Variants in PCDHGA1 observed in about 807,000 individuals in gnomAD.
The protein encoded by PCDHGA1 is protocadherin gamma-A1.
PCDHGA1 carries 32 observed loss-of-function variants against 58.0 expected under a neutral mutation model. The ratio of observed to expected loss-of-function variants is 0.55; its 90% confidence interval spans 0.42 to 0.74. The LOEUF is 0.74. PCDHGA1 is among the 30% of genes least tolerant of loss of function. The pLI is 0.00. For synonymous variants in PCDHGA1, 498 were observed against 501.1 expected (o/e 0.99, Z 0.08); for missense variants, 1,205 against 1,182.3 (o/e 1.02, Z -0.28).
At chr5:141,495,164 C>T (rs1326419591) in intron 2 of PCDHGA1, among the ~76,000 whole-genome samples, 4 of 152,198 alleles carry the variant, frequency 2.6e-5, no homozygotes, top group Admixed American at 1.3e-4. Context: ...AAGCTGGTCT[C>T]TGGGTGAAAG....
intron 1 of PCDHGA1, chr5:141,394,001 G>T: frequency 6.2e-7 from 1 of 1,613,458 alleles, no homozygotes; most frequent in Non-Finnish European, 8.5e-7. Flanking sequence ...AATTAGAAAA[G>T]TCAATAGGTA....
chr5:141,404,862 C>A, intron 1 of PCDHGA1: 1 of 1,613,848 alleles, frequency 6.2e-7, no homozygotes, highest in Non-Finnish European at 8.5e-7. Context: ...GATAGAGATG[C>A]GCTCAAACAG....
chr5:141,489,594 T>A lies in PCDHGA1; in HGVS notation c.2422-5213T>A. The A allele has an allele frequency of 2.5e-6, 4 of 1,614,076 alleles. No homozygotes were observed. Among genetic ancestry groups the A allele is most frequent in the Non-Finnish European group, 3.4e-6 (4 of 1,179,982 alleles). ...CTGAACACCCCCTGGAGCTAATCCG[T>A]GTAGAGGTAGAGATCCTGGATCTCA... On this transcript the variant is annotated intron_variant, in intron 1 of 3. Coordinates refer to ENST00000517417, the MANE Select transcript of PCDHGA1 (RefSeq NM_018912.3). This position sits in a 1 kb window ranked among gnomAD's most constrained non-coding sequence, Gnocchi z 4.5.
At chr5:141,500,500 C>T (rs6872480) in intron 2 of PCDHGA1, among the ~76,000 whole-genome samples, 1,599 of 152,210 alleles carry the variant, frequency 0.011, 36 homozygotes, top group African/African-American at 0.036. Context: ...TGAGCCACCG[C>T]GCCTGGCCGA....
chr5:141,393,264 C>T, intron 1 of PCDHGA1: 1 of 1,613,916 alleles, frequency 6.2e-7, no homozygotes, highest in Non-Finnish European at 8.5e-7. Flanking sequence ...TCCTGGAGCA[C>T]GTTATCCACT....
At chr5:141,362,492 C>G (rs369530205) in intron 1 of PCDHGA1, 1 of 1,613,902 alleles carries the variant, frequency 6.2e-7, no homozygotes, top group African/African-American at 1.3e-5. Flanking sequence ...GACAATGCCT[C>G]TTGGGAACAA....
chr5:141,501,475 G>A (rs1305778190), intron 2 of PCDHGA1, among the ~76,000 whole-genome samples: 5 of 152,014 alleles, frequency 3.3e-5, no homozygotes, highest in Admixed American at 3.3e-4. Flanking sequence ...AATCCTGGAA[G>A]AGTCCCTCAT....
chr5:141,499,996 C>A (rs1246090346), intron 2 of PCDHGA1, among the ~76,000 whole-genome samples: 2 of 151,572 alleles, frequency 1.3e-5, no homozygotes, highest in Non-Finnish European at 2.9e-5. Flanking sequence ...CCAGATGATT[C>A]TTTCATAAGG....
Position 141,491,013 on chromosome 5 carries a change from G to C in PCDHGA1, c.2422-3794G>C. ...CTCCTCCTGGCTCCTTGGTCACCAA[G>C]GTGACAGCCGTGGATGCTGATGCAG... On this transcript the variant is annotated intron_variant, in intron 1 of 3. Transcript: ENST00000517417. The surrounding 1 kb of genome is among the most constrained non-coding windows in gnomAD (Gnocchi z 6.9). 6.2e-7 allele frequency: 1 copy of C among 1,614,144 alleles called. No homozygotes were observed. Among genetic ancestry groups the C allele is most frequent in the Non-Finnish European group, 8.5e-7 (1 of 1,180,040 alleles).
At chr5:141,362,281 C>A in intron 1 of PCDHGA1, 4 of 1,614,016 alleles carry the variant, frequency 2.5e-6, no homozygotes, top group Non-Finnish European at 3.4e-6. Flanking sequence ...CCTGCGCCTG[C>A]GACTCTCTTC....
At chr5:141,424,682 C>A (rs1421088073) in intron 1 of PCDHGA1, 1 of 152,062 alleles carries the variant, frequency 6.6e-6, no homozygotes, top group Non-Finnish European at 1.5e-5. Flanking sequence ...AGCTAGTATC[C>A]TTCTGGCTAT....
chr5:141,414,741 A>C, intron 1 of PCDHGA1: 1 of 1,614,158 alleles, frequency 6.2e-7, no homozygotes. Flanking sequence ...ATGCACTCAG[A>C]TCCTTCGACT....
chr5:141,351,338 A>G, intron 1 of PCDHGA1: 1 of 1,613,576 alleles, frequency 6.2e-7, no homozygotes, highest in South Asian at 1.1e-5. Context: ...AGACCTTGGA[A>G]CTGTAATAGC....
At position 141,487,791 on chromosome 5, in the gene PCDHGA1, C is replaced by T; in HGVS notation, c.2422-7016C>T. ...CTTTGTAACTGTTTCGTGAATTAAC[C>T]AGAGTTGTCACAGTTTAGCATTGGG... On this transcript the variant is annotated intron_variant, in intron 1 of 3. Coordinates refer to ENST00000517417, the MANE Select transcript of PCDHGA1 (RefSeq NM_018912.3). This position sits in a 1 kb window ranked among gnomAD's most constrained non-coding sequence, Gnocchi z 5.0. 6.6e-7 allele frequency: 1 copy of T among 1,510,152 alleles called. No individual in the cohort carries two copies. The highest frequency in any genetic ancestry group is 1.4e-5 in the African/African-American group (1 of 72,206). The allele number at this position is 1,510,152 out of a possible 1,614,324, so 93.5% of individuals were successfully genotyped here. A position where few individuals can be genotyped will look rare whatever the true frequency, so the allele number is the denominator to read the frequency against.
intron 1 of PCDHGA1, chr5:141,367,677 A>G (rs1045568085): frequency 2.0e-5 from 3 of 152,168 alleles, no homozygotes; most frequent in Non-Finnish European, 4.4e-5. Context: ...GGGCTTGTTG[A>G]GAGAAGAAAT....
intron 1 of PCDHGA1, among the ~76,000 whole-genome samples, chr5:141,479,837 G>A (rs563513895): frequency 3.9e-5 from 6 of 152,338 alleles, no homozygotes; most frequent in Non-Finnish European, 8.8e-5. Flanking sequence ...TGGTATCCAT[G>A]CAAGGTGACT....
chr5:141,422,222 C>A (rs1453283842), intron 1 of PCDHGA1: 2 of 1,564,972 alleles, frequency 1.3e-6, no homozygotes, highest in South Asian at 1.2e-5. Flanking sequence ...TTTACCACCA[C>A]GACGATGTTG....
intron 1 of PCDHGA1, chr5:141,376,677 T>TTTG: frequency 3.8e-5 from 4 of 105,314 alleles, no homozygotes; most frequent in Non-Finnish European, 3.0e-5. Context: ...GAGGGTATCG[T>TTTG]TTTTTTTTTT....
intron 1 of PCDHGA1, chr5:141,419,411 C>A (rs757881409): frequency 1.9e-6 from 3 of 1,613,462 alleles, no homozygotes; most frequent in Non-Finnish European, 2.5e-6. Context: ...GTTCGCGCAG[C>A]GCGCCTTCGA....
Sources: allele counts gnomAD v4.1 joint callset (sites outside exome capture counted in the v4.1 genomes callset), GRCh38; gene constraint gnomAD v4.1.1; non-coding constraint Gnocchi (gnomAD v3.1); transcripts MANE v1.5; gene names NCBI Gene and HGNC (gene_info 2026-07-23, HGNC 2026-07-21).